Variants in SCP2 observed in about 807,000 individuals in gnomAD.
The protein encoded by SCP2 is SCP-2/3-oxoacyl-CoA thiolase.
A neutral mutation model predicts 71.4 loss-of-function variants in SCP2; 48 were observed. The observed-to-expected ratio is 0.67, with a 90% CI of 0.53 to 0.86. The LOEUF is 0.86. SCP2 is among the 40% of genes least tolerant of loss of function. SCP2 has a pLI of 0.00. For missense variants in SCP2, 560 were observed against 655.6 expected (o/e 0.85, Z 1.59); for synonymous variants, 220 against 218.1 (o/e 1.01, Z -0.08).
At chr1:53,030,632 C>T (rs922904617) in intron 13 of SCP2, among the ~76,000 whole-genome samples, 4 of 152,136 alleles carry the variant, frequency 2.6e-5, no homozygotes, top group African/African-American at 7.2e-5. Flanking sequence ...TGGCACACCC[C>T]TGTAATCCCA....
intron 13 of SCP2, among the ~76,000 whole-genome samples, chr1:53,032,515 G>A (rs1003087008): frequency 6.6e-6 from 1 of 152,170 alleles, no homozygotes; most frequent in African/African-American, 2.4e-5. Context: ...CCTGGGATGG[G>A]GTATGAGTAA....
chr1:52,993,604 TG>T (rs111632142), intron 11 of SCP2: 164,547 of 1,612,284 alleles, frequency 0.1, 12,190 homozygotes, highest in East Asian at 0.32. Context: ...CTTGTCCTGC[TG>T]TATCCAAAAT....
Position 52,967,356 on chromosome 1 carries a change from A to G in SCP2, c.523+5727A>G, listed in dbSNP as rs181041378. 3.8e-3 allele frequency among the ~76,000 whole-genome samples: 576 copies of G among 151,728 alleles called. 4 individuals carry two copies. The highest frequency in any genetic ancestry group is 0.013 in the African/African-American group (549 of 41,360). On this transcript the variant is annotated intron_variant, in intron 6 of 15. Transcript: ENST00000371514. The stretch of plus-strand genomic sequence containing the variant: ...TTTTTTTTTAATGTTTAAACATTCT[A>G]TATCCAATGGGGCCAATTTTGGTAG...
At chr1:52,993,653 T>A in intron 11 of SCP2, 1 of 1,612,392 alleles carries the variant, frequency 6.2e-7, no homozygotes, top group East Asian at 2.2e-5. Context: ...CACACACTGC[T>A]TTGTGTAAGA....
Position 52,933,868 on chromosome 1 carries a change from T to C in SCP2, c.69+6403T>C, listed in dbSNP as rs12095254. ...CATTGTATGTTGACATTTACACTGA[T>C]GGTGCAAAAGTAATGGTGGGTAACA... On this transcript the variant is annotated intron_variant, in intron 1 of 15. Coordinates refer to ENST00000371514, the MANE Select transcript of SCP2 (RefSeq NM_002979.5). Among the ~76,000 whole-genome samples the C allele has an allele frequency of 6.1e-3, 931 of 152,318 alleles. 10 individuals are homozygous for C. The highest frequency in any genetic ancestry group is 0.021 in the African/African-American group (862 of 41,562).
intron 12 of SCP2, among the ~76,000 whole-genome samples, chr1:53,024,195 A>G (rs544174238): frequency 1.3e-5 from 2 of 152,322 alleles, no homozygotes; most frequent in East Asian, 3.9e-4. Flanking sequence ...TCAGTCACAA[A>G]AAGACAAATA....
At chr1:53,029,753 C>T (rs759642820) in intron 13 of SCP2, among the ~76,000 whole-genome samples, 1 of 152,218 alleles carries the variant, frequency 6.6e-6, no homozygotes, top group Non-Finnish European at 1.5e-5. Context: ...TGAGGGAGAG[C>T]AGGGCCAGGC....
chr1:53,034,523 G>T (rs1343654653), intron 13 of SCP2, among the ~76,000 whole-genome samples: 2 of 152,116 alleles, frequency 1.3e-5, no homozygotes, highest in Non-Finnish European at 2.9e-5. Context: ...TCTAAAATTA[G>T]ATAGTGGTTT....
chr1:52,958,649 C>T (rs1011423763), intron 5 of SCP2, among the ~76,000 whole-genome samples: 20 of 152,184 alleles, frequency 1.3e-4, no homozygotes, highest in African/African-American at 4.6e-4. Context: ...TAGTCTATCC[C>T]ATATTCTGGG....
At chr1:52,929,041 G>A (rs1021485566) in intron 1 of SCP2, among the ~76,000 whole-genome samples, 3 of 152,068 alleles carry the variant, frequency 2.0e-5, no homozygotes, top group African/African-American at 7.2e-5. Context: ...GGTCGGGGAG[G>A]TGTTACAGTC....
At chr1:53,039,299 A>G (rs1438158673) in intron 14 of SCP2, among the ~76,000 whole-genome samples, 3 of 152,270 alleles carry the variant, frequency 2.0e-5, no homozygotes, top group African/African-American at 7.2e-5. Flanking sequence ...TGCCATTCAC[A>G]TAATGTGACC....
intron 11 of SCP2, chr1:52,994,996 GT>G (rs1659821377): frequency 5.9e-6 from 3 of 507,074 alleles, no homozygotes; most frequent in Admixed American, 2.2e-5. Context: ...AGACAACTTT[GT>G]TTTTGGTCAA....
At chr1:53,017,491 C>T (rs1243417897) in intron 12 of SCP2, among the ~76,000 whole-genome samples, 6 of 152,172 alleles carry the variant, frequency 3.9e-5, no homozygotes, top group Admixed American at 3.3e-4. Context: ...TAGTATTACA[C>T]ATTTTAAAAT....
intron 5 of SCP2, among the ~76,000 whole-genome samples, chr1:52,956,750 T>C (rs1655830128): frequency 6.6e-6 from 1 of 152,176 alleles, no homozygotes; most frequent in Non-Finnish European, 1.5e-5. Context: ...ATGTTTATGA[T>C]ACATGAAAAA....
At chr1:52,993,948 G>A (rs1659738845) in intron 11 of SCP2, 2 of 1,339,060 alleles carry the variant, frequency 1.5e-6, no homozygotes, top group East Asian at 6.3e-5. Flanking sequence ...GCCATCAATT[G>A]CAGTTTTAAT....
chr1:52,999,016 GT>G (rs1660131010), intron 11 of SCP2, among the ~76,000 whole-genome samples: 1 of 151,972 alleles, frequency 6.6e-6, no homozygotes, highest in Admixed American at 6.6e-5. Flanking sequence ...TAACATTTGA[GT>G]CTACACTGTT....
intron 11 of SCP2, among the ~76,000 whole-genome samples, chr1:53,008,008 CAAAT>C (rs767595340): frequency 1.3e-5 from 2 of 151,908 alleles, no homozygotes; most frequent in Non-Finnish European, 2.9e-5. Context: ...CACCTCTACT[CAAAT>C]AAACTAGAAA....
At chr1:52,979,158 C>CCA (rs1276861753) in intron 9 of SCP2, among the ~76,000 whole-genome samples, 1 of 151,890 alleles carries the variant, frequency 6.6e-6, no homozygotes, top group Admixed American at 6.6e-5. Context: ...TTTCATTATA[C>CCA]CACAGTTTTA....
chr1:53,001,424 A>G (rs1660309722), intron 11 of SCP2, among the ~76,000 whole-genome samples: 1 of 152,180 alleles, frequency 6.6e-6, no homozygotes, highest in Non-Finnish European at 1.5e-5. Flanking sequence ...TGCTTTTACC[A>G]AACAGGTTTA....
Sources: gnomAD v4.1 joint callset for allele counts (sites outside exome capture counted in the v4.1 genomes callset) on GRCh38, gnomAD v4.1.1 for gene constraint, MANE v1.5 for transcripts, NCBI Gene and HGNC (gene_info 2026-07-23, HGNC 2026-07-21) for gene names.